Variants in SUSD2 observed in about 807,000 individuals in gnomAD.
The protein encoded by SUSD2 is sushi domain-containing protein 2.
A neutral mutation model predicts 93.8 loss-of-function variants in SUSD2; 86 were observed. The observed-to-expected ratio is 0.92, with a 90% CI of 0.77 to 1.10. The LOEUF (loss-of-function observed/expected upper bound fraction) is 1.10, where lower values mean the gene tolerates loss of function less well. Among genes scored for constraint, SUSD2 ranks in the 50% least tolerant of loss-of-function variants. SUSD2 has a pLI of 0.00. For synonymous variants in SUSD2, 483 were observed against 485.0 expected (o/e 1.00, Z 0.05); for missense variants, 1,060 against 1,137.0 (o/e 0.93, Z 0.97).
Position 24,181,607 on chromosome 22 carries a change from T to C in SUSD2, c.76+12T>C. ...CGGACCCACAGCAGGTATGCCTCCC[T>C]GCCCTTCTGTGTCCCCGTCTGTCTG... On this transcript the variant is annotated intron_variant, in intron 1 of 14. Transcript: ENST00000358321. The C allele has an allele frequency of 1.9e-6, 3 of 1,578,648 alleles. No individual in the cohort carries two copies. Among genetic ancestry groups the C allele is most frequent in the East Asian group, 2.3e-5 (1 of 43,306 alleles).
At chr22:24,186,665 C>T (rs1488232736) in intron 10 of SUSD2, 2 of 556,504 alleles carry the variant, frequency 3.6e-6, no homozygotes, top group East Asian at 3.1e-5. Flanking sequence ...GAGGGGAACT[C>T]ACCCTGGTAA....
chr22:24,182,327 T>C (rs543272808), intron 1 of SUSD2, among the ~76,000 whole-genome samples: 22 of 152,194 alleles, frequency 1.4e-4, no homozygotes, highest in African/African-American at 4.8e-4. Context: ...TTATGGCCCA[T>C]AGGAGAAGTT....
At chr22:24,183,782 G>T in intron 3 of SUSD2, 136 bp downstream of exon 3, 2 of 1,012,428 alleles carry the variant, frequency 2.0e-6, no homozygotes, top group East Asian at 2.6e-5. Flanking sequence ...GCCCGCCTGC[G>T]AGAGTTCCTT....
chr22:24,182,946 C>G, intron 1 of SUSD2, 111 bp from the exon 2 acceptor site: 1 of 886,572 alleles, frequency 1.1e-6, no homozygotes, highest in East Asian at 2.5e-5. Flanking sequence ...CCAGCGTTCT[C>G]CTGGGGATGC....
chr22:24,187,142 C>T, intron 10 of SUSD2, 60 bp from the exon 11 acceptor site: 2 of 1,570,556 alleles, frequency 1.3e-6, no homozygotes, highest in Non-Finnish European at 8.6e-7. Flanking sequence ...TGTCCTGGGG[C>T]TGCGGGAGGG....
At chr22:24,183,697 C>T (rs751090123) in intron 3 of SUSD2, 51 bp downstream of exon 3, 12 of 1,578,240 alleles carry the variant, frequency 7.6e-6, no homozygotes, top group South Asian at 3.4e-5. Flanking sequence ...CTTTCCCCAG[C>T]GCTAATCTAT....
At chr22:24,187,114 C>G in intron 10 of SUSD2, 88 bp from the exon 11 acceptor site, 1 of 1,529,232 alleles carries the variant, frequency 6.5e-7, no homozygotes, top group South Asian at 1.2e-5. Context: ...ACCCACAGCC[C>G]CTGGGTGCCG....
chr22:24,188,000 A>G lies in SUSD2; in HGVS notation c.2206A>G (p.Lys736Glu). The G allele has an allele frequency of 6.2e-7, 1 of 1,612,786 alleles. No homozygotes were observed. Among genetic ancestry groups the G allele is most frequent in the Non-Finnish European group, 8.5e-7 (1 of 1,179,986 alleles). The change falls in exon 13 of 15, where the codon AAG becomes GAG. Residue 736 changes from lysine (K) to glutamate (E), a missense_variant. Lys to Glu is a moderately conservative substitution (Grantham distance 56, BLOSUM62 1). Around this residue, in one of 2 missense-constraint regions of SUSD2, gnomAD observed 973 missense variants for 1,005.3 expected, o/e 0.97. Transcript: ENST00000358321. ...GCTGGCCCCACCTCCCAACGGACAA[A>G]AGGAGGGCAACAGGTACCTGGCGGG... ...GWLAPPPNGQKEGNRYLAGST... is the reference protein window; with the variant it reads ...GWLAPPPNGQEEGNRYLAGST...
intron 10 of SUSD2, 52 bp from the exon 11 acceptor site, chr22:24,187,150 G>C: frequency 6.3e-7 from 1 of 1,579,700 alleles, no homozygotes. Flanking sequence ...GGCTGCGGGA[G>C]GGGACAAGAT....
At chr22:24,183,993 T>C in intron 3 of SUSD2, 143 bp from the exon 4 acceptor site, 1 of 818,192 alleles carries the variant, frequency 1.2e-6, no homozygotes, top group Non-Finnish European at 1.9e-6. Flanking sequence ...AGCGTCCTTT[T>C]CTGCTGTGCG....
At position 24,187,632 on chromosome 22, in the gene SUSD2, C is replaced by A. The variant is rs751398171; in HGVS notation, c.1953C>A (p.Phe651Leu). 6.2e-7 allele frequency: 1 copy of A among 1,614,140 alleles called. No homozygotes were observed. The highest frequency in any genetic ancestry group is 1.1e-5 in the South Asian group (1 of 91,086). ...ATTCCTGGTTCCTGGTCCACAACTT[C>A]CTGTACCAACCCAAGCACGACCCCA... Reference protein sequence around the residue: ...TYDSWFLVHNFLYQPKHDPTF... With the variant: ...TYDSWFLVHNLLYQPKHDPTF... Residue 651 changes from phenylalanine to leucine, a missense_variant, in exon 12 of 15, where the codon TTC (phenylalanine) becomes TTA (leucine). Phe to Leu is a conservative substitution (Grantham distance 22, BLOSUM62 0). This residue lies in a region of SUSD2 where 973 missense variants were observed against 1,005.3 expected (regional missense o/e 0.97). Coordinates refer to ENST00000358321, the MANE Select transcript of SUSD2 (RefSeq NM_019601.4).
At chr22:24,186,761 G>C in intron 10 of SUSD2, 1 of 418,524 alleles carries the variant, frequency 2.4e-6, no homozygotes, top group Non-Finnish European at 4.4e-6. Context: ...CTCCAGCCCT[G>C]CACGGTTAAG....
At chr22:24,187,165 A>G (rs1388557319) in intron 10 of SUSD2, 37 bp from the exon 11 acceptor site, 1 of 1,594,564 alleles carries the variant, frequency 6.3e-7, no homozygotes, top group Admixed American at 1.7e-5. Flanking sequence ...CAAGATGCTC[A>G]CAGCGGGTGA....
At chr22:24,182,833 T>C in intron 1 of SUSD2, 2 of 562,642 alleles carry the variant, frequency 3.6e-6, no homozygotes, top group South Asian at 4.4e-5. Flanking sequence ...TTCTAGCCCG[T>C]CAGTCAGGGC....
rs752320156 is a variant in SUSD2, at chr22:24,186,121, G to T, written c.1445G>T (p.Arg482Met). 3 of 1,612,076 alleles carry T rather than the reference G, an allele frequency of 1.9e-6. No individual in the cohort carries two copies. The South Asian group carries it at 3.3e-5, about 18-fold the overall frequency. ...CTGGAGGCAGCGCTGACCGACCTGA[G>T]GGTGCAGGCGCGGGCCCAGCCCGGG... ...VLLEAALTDL[R>M]VQARAQPGTM... Residue 482 changes from arginine (R) to methionine (M), a missense_variant, in exon 9 of 15, where the codon AGG becomes ATG. By Grantham distance (91) the Arg-to-Met change is moderately conservative (BLOSUM62 -1). Around this residue, in one of 2 missense-constraint regions of SUSD2, gnomAD observed 973 missense variants for 1,005.3 expected, o/e 0.97. Coordinates refer to ENST00000358321, the MANE Select transcript of SUSD2 (RefSeq NM_019601.4).
chr22:24,181,894 G>T (rs1334927138), intron 1 of SUSD2, among the ~76,000 whole-genome samples: 5 of 152,212 alleles, frequency 3.3e-5, no homozygotes, highest in Non-Finnish European at 7.3e-5. Context: ...GGGGAGCCAG[G>T]ATTGTGGGTC....
chr22:24,186,999 C>G (rs2047370867), intron 10 of SUSD2: 2 of 636,732 alleles, frequency 3.1e-6, no homozygotes, highest in Admixed American at 5.9e-5. Flanking sequence ...GGCTGCACCT[C>G]AGGTGCCGCT....
rs748294827 is a variant in SUSD2 at position 24,186,143 on chromosome 22, C to T, written c.1467C>T (p.Pro489=). The change falls in exon 9 of 15, where the codon CCC becomes CCT. Residue 489 remains proline (P), a synonymous_variant. Coordinates refer to ENST00000358321, the MANE Select transcript of SUSD2 (RefSeq NM_019601.4). ...TGAGGGTGCAGGCGCGGGCCCAGCC[C>T]GGGACGATGTCCAACGGTGAGGCCA... is the stretch of plus-strand genomic sequence containing the variant. ...TDLRVQARAQ[P]GTMSNGTETR... The T allele has an allele frequency of 1.1e-5, 17 of 1,609,728 alleles. No homozygotes were observed. The highest frequency in any genetic ancestry group is 4.4e-5 in the South Asian group (4 of 90,750).
rs776022572 is a variant in SUSD2 at position 24,185,751 on chromosome 22, C to T, written c.1161C>T (p.Asp387=). 4.4e-5 allele frequency: 70 copies of T among 1,609,072 alleles called. No homozygotes were observed. In the East Asian group the frequency reaches 5.8e-4, roughly 13 times the overall value. ...TADSSGGSTP[D]RGHDWGAPPF... ...ACTCCAGCGGCGGCAGCACTCCCGA[C>T]CGCGGCCATGACTGGGGCGCACCCC... is the stretch of plus-strand genomic sequence containing the variant. Residue 387 remains aspartate (D), a synonymous_variant, in exon 8 of 15, where the codon GAC becomes GAT. Transcript: ENST00000358321.
Sources: gnomAD v4.1 joint callset for allele counts (sites outside exome capture counted in the v4.1 genomes callset) on GRCh38, gnomAD v4.1.1 for gene constraint, gnomAD v4.1.1 regional missense constraint, MANE v1.5 for transcripts, NCBI Gene and HGNC (gene_info 2026-07-23, HGNC 2026-07-21) for gene names.